KAT14: variants seen among roughly 807,000 people sequenced by gnomAD.
KAT14 encodes the protein cysteine-rich protein 2-binding protein.
A neutral mutation model predicts 78.4 loss-of-function variants in KAT14; 66 were observed. The ratio of observed to expected loss-of-function variants is 0.84; its 90% confidence interval spans 0.69 to 1.03. The LOEUF is 1.03. Ranked by LOEUF, KAT14 falls within the 50% of genes least tolerant of loss-of-function variation. The probability of loss-of-function intolerance (pLI) is 0.00; values close to 1 mark genes in which losing one functional copy is unlikely to be tolerated. For missense variants in KAT14, 870 were observed against 972.5 expected (o/e 0.89, Z 1.40); for synonymous variants, 344 against 359.4 (o/e 0.96, Z 0.48).
Position 18,184,707 on chromosome 20 carries a change from A to G in KAT14, c.2087A>G (p.Asn696Ser), listed in dbSNP as rs146671141. 3.3e-5 allele frequency: 53 copies of G among 1,613,848 alleles called. No individual in the cohort carries two copies. The highest frequency in any genetic ancestry group is 8.0e-5 in the African/African-American group (6 of 75,038). Residue 696 changes from asparagine (N) to serine (S), a missense_variant, in exon 10 of 11, where the codon AAT becomes AGT. Coordinates refer to ENST00000688188, the MANE Select transcript of KAT14 (RefSeq NM_001392073.1). ...TTCATGGTTCCTGATGTGAAATACA[A>G]TGAAGCTTACATTTCATTTCTGTTC... Reference protein sequence around the residue: ...FGFMVPDVKYNEAYISFLFVH... With the variant: ...FGFMVPDVKYSEAYISFLFVH...
rs1600214211 is a variant in KAT14, at chr20:18,142,449, T to G, written c.-212T>G. The G allele has an allele frequency of 7.0e-7, 1 of 1,438,774 alleles. No homozygotes were observed. Among genetic ancestry groups the G allele is most frequent in the South Asian group, 1.5e-5 (1 of 67,800 alleles). 89.1% of individuals were successfully genotyped at this position (1,438,774 alleles called of 1,614,324 possible). Reference sequence around the variant, plus strand: ...TTAGTAGTATCTTCATCTTTTTTTTTGGTCACTGTCCTTTTAAACTTGATC... The same window carrying G: ...TTAGTAGTATCTTCATCTTTTTTTTGGGTCACTGTCCTTTTAAACTTGATC... On this transcript the variant is annotated 5_prime_UTR_variant, in exon 2 of 11. Coordinates refer to ENST00000688188, the MANE Select transcript of KAT14 (RefSeq NM_001392073.1).
intron 7 of KAT14, among the ~76,000 whole-genome samples, chr20:18,164,149 T>G (rs1568669332): frequency 6.6e-6 from 1 of 152,048 alleles, no homozygotes; most frequent in African/African-American, 2.4e-5. Flanking sequence ...TCCTCTTTTC[T>G]TTTTTTTCCT....
chr20:18,155,283 A>G (rs2038185821), intron 4 of KAT14, among the ~76,000 whole-genome samples: 1 of 152,194 alleles, frequency 6.6e-6, no homozygotes. Context: ...ATTTTCTTTC[A>G]GATGTTTACA....
Position 18,184,758 on chromosome 20 carries a change from G to A in KAT14, c.2138G>A (p.Gly713Glu), listed in dbSNP as rs1317505773. The A allele has an allele frequency of 1.9e-6, 3 of 1,609,472 alleles. No homozygotes were observed. The Admixed American group carries it at 5.1e-5, about 28-fold the overall frequency. Residue 713 changes from glycine (G) to glutamate (E), a missense_variant, in exon 10 of 11, where the codon GGG becomes GAG. Transcript: ENST00000688188. ...LFVHPEWRRA[G>E]IATFMIYHLI... is the part of the protein sequence containing the mutation. ...GTCCACCCTGAATGGAGAAGAGCAG[G>A]GATTGCAACTTTCATGATCTATCAT...
chr20:18,138,501 C>G (rs752593845), intron 1 of KAT14: 1 of 975,922 alleles, frequency 1.0e-6, no homozygotes, highest in Non-Finnish European at 1.2e-6. Flanking sequence ...CCTCCTGGCC[C>G]AAGGTTGGGG....
intron 3 of KAT14, among the ~76,000 whole-genome samples, chr20:18,145,696 G>A (rs1044137618): frequency 6.6e-6 from 1 of 151,894 alleles, no homozygotes; most frequent in Non-Finnish European, 1.5e-5. Flanking sequence ...CAGGAGAATC[G>A]CTTGAACCTG....
chr20:18,183,304 T>C lies in KAT14; in HGVS notation c.1981+6T>C, dbSNP rs747831210. 4 of 1,610,728 alleles carry C rather than the reference T, an allele frequency of 2.5e-6. No individual in the cohort carries two copies. Among genetic ancestry groups the C allele is most frequent in the Non-Finnish European group, 3.4e-6 (4 of 1,177,772 alleles). ...TCAGGAGTTTTTTTGGCCTGGTATG[T>C]TCCCCCTCCCAAACCAGGCAGGTCA... On this transcript the variant is annotated splice_donor_region_variant and intron_variant, in intron 9 of 10. Transcript: ENST00000688188.
intron 3 of KAT14, among the ~76,000 whole-genome samples, chr20:18,149,206 T>C (rs1365689854): frequency 6.6e-6 from 1 of 152,238 alleles, no homozygotes; most frequent in Admixed American, 6.5e-5. Flanking sequence ...TTTTTTAAAA[T>C]TGTGATGAAA....
intron 7 of KAT14, among the ~76,000 whole-genome samples, chr20:18,164,053 C>G (rs2038545459): frequency 6.6e-6 from 1 of 152,192 alleles, no homozygotes; most frequent in Non-Finnish European, 1.5e-5. Flanking sequence ...TGGCTGTGTT[C>G]CAGTAAAACT....
chr20:18,161,245 A>T (rs2038409813), intron 5 of KAT14, among the ~76,000 whole-genome samples: 1 of 150,890 alleles, frequency 6.6e-6, no homozygotes, highest in Non-Finnish European at 1.5e-5. Context: ...ACTGAGCTTT[A>T]TCAAACTTTT....
chr20:18,142,595 T>C lies in KAT14; in HGVS notation c.-66T>C. ...TGGGTGATCCTGGTAGAAGCCCCAT[T>C]AGGGTCACTGTCCAGTGCTTAGGGT... On this transcript the variant is annotated 5_prime_UTR_variant, in exon 2 of 11. Transcript: ENST00000688188. 6.3e-7 allele frequency: 1 copy of C among 1,595,138 alleles called. No individual in the cohort carries two copies. Among genetic ancestry groups the C allele is most frequent in the Non-Finnish European group, 8.6e-7 (1 of 1,168,938 alleles).
rs766771118 is a variant in KAT14, at chr20:18,162,825, T to C, written c.1548T>C (p.Ala516=). ...PLFDLDQVVN[A]ALLLVDGIYG... is the part of the protein sequence containing the mutation. ...TTGACTTGGATCAAGTTGTTAATGCTGCTCTTTTGTTAGTTGACGGGATTT... is the reference window on the plus strand; with the variant it reads ...TTGACTTGGATCAAGTTGTTAATGCCGCTCTTTTGTTAGTTGACGGGATTT... Residue 516 remains alanine (A), a synonymous_variant, in exon 7 of 11, where the codon GCT becomes GCC. Coordinates refer to ENST00000688188, the MANE Select transcript of KAT14 (RefSeq NM_001392073.1). 1 of 1,614,230 alleles carries C rather than the reference T, an allele frequency of 6.2e-7. No individual in the cohort carries two copies. Among genetic ancestry groups the C allele is most frequent in the Non-Finnish European group, 8.5e-7 (1 of 1,180,038 alleles).
intron 1 of KAT14, among the ~76,000 whole-genome samples, chr20:18,140,663 T>C (rs2037499600): frequency 6.6e-6 from 1 of 151,146 alleles, no homozygotes; most frequent in African/African-American, 2.4e-5. Flanking sequence ...TACAAAAAAA[T>C]TAGCCAGGCC....
At chr20:18,147,881 C>T (rs975268577) in intron 3 of KAT14, among the ~76,000 whole-genome samples, 2 of 152,288 alleles carry the variant, frequency 1.3e-5, no homozygotes, top group Non-Finnish European at 2.9e-5. Flanking sequence ...CCACCGTGCC[C>T]GGCCACTTTG....
intron 4 of KAT14, among the ~76,000 whole-genome samples, chr20:18,157,870 A>G (rs2146408882): frequency 6.6e-6 from 1 of 152,356 alleles, no homozygotes; most frequent in East Asian, 1.9e-4. Flanking sequence ...TGGAAAGATT[A>G]GAAAAAGATA....
At position 18,158,826 on chromosome 20, in the gene KAT14, A is replaced by G. The variant is rs972816173; in HGVS notation, c.501-258A>G. Among the ~76,000 whole-genome samples the G allele has an allele frequency of 1.1e-4, 16 of 152,198 alleles. 1 individual carries two copies. The highest frequency in any genetic ancestry group is 3.6e-4 in the African/African-American group (15 of 41,450). On this transcript the variant is annotated intron_variant, in intron 4 of 10. Coordinates refer to ENST00000688188, the MANE Select transcript of KAT14 (RefSeq NM_001392073.1). ...TGCTTTGTTTGAATTATTGCATTTA[A>G]TCCTCACAGCAACCCTGTGAGGTAA...
Position 18,163,866 on chromosome 20 carries a change from T to C in KAT14, c.1668+921T>C, listed in dbSNP as rs540626734. ...TTCTATTTTTTCTGTTCTCTCATTT[T>C]AGAACTCCCCATTATTTGGATATTG... is the stretch of plus-strand genomic sequence containing the variant. On this transcript the variant is annotated intron_variant, in intron 7 of 10. Transcript: ENST00000688188. Among the ~76,000 whole-genome samples, 4 of 152,340 alleles carry C rather than the reference T, an allele frequency of 2.6e-5. 1 individual carries two copies. Among genetic ancestry groups the C allele is most frequent in the African/African-American group, 9.6e-5 (4 of 41,586 alleles).
At chr20:18,138,407 C>G (rs892801697) in intron 1 of KAT14, 2 of 1,023,796 alleles carry the variant, frequency 2.0e-6, no homozygotes, top group African/African-American at 3.4e-5. Flanking sequence ...AGGGTGCGGA[C>G]CTTTCCACAT....
chr20:18,149,068 A>T (rs551515454), intron 3 of KAT14, among the ~76,000 whole-genome samples: 1 of 152,258 alleles, frequency 6.6e-6, no homozygotes, highest in Non-Finnish European at 1.5e-5. Flanking sequence ...TGTCTCAATT[A>T]TACAAAAAAG....
Sources: gnomAD v4.1 joint callset for allele counts (sites outside exome capture counted in the v4.1 genomes callset) on GRCh38, gnomAD v4.1.1 for gene constraint, MANE v1.5 for transcripts, NCBI Gene and HGNC (gene_info 2026-07-23, HGNC 2026-07-21) for gene names.